Variants in RSPH4A observed in about 807,000 individuals in gnomAD.
RSPH4A encodes radial spoke head component 4A.
In RSPH4A, 47 loss-of-function variants were observed where a neutral mutation model predicts 71.0. The ratio of observed to expected loss-of-function variants is 0.66; its 90% CI spans 0.52 to 0.84. The LOEUF (loss-of-function observed/expected upper bound fraction) is 0.84. Among genes scored for constraint, RSPH4A ranks in the 40% least tolerant of loss-of-function variants. The pLI is 0.00. For missense variants in RSPH4A, 793 were observed against 855.2 expected, an observed-to-expected ratio of 0.93 and a Z score of 0.91; for synonymous variants, 282 against 302.3, an observed-to-expected ratio of 0.93 and a Z score of 0.70.
At chr6:116,632,133 A>G in intron 5 of RSPH4A, 74 bp from the exon 6 acceptor site, 2 of 1,082,862 alleles carry the variant, frequency 1.8e-6, no homozygotes, top group Non-Finnish European at 2.7e-6. Context: ...AAGCACTTTA[A>G]TATTACAGAA....
intron 3 of RSPH4A, among the ~76,000 whole-genome samples, chr6:116,628,642 A>T (rs928090794): frequency 2.0e-5 from 3 of 152,216 alleles, no homozygotes; most frequent in African/African-American, 7.2e-5. Context: ...AGCGTTTGAC[A>T]GATGATGTAC....
intron 5 of RSPH4A, among the ~76,000 whole-genome samples, chr6:116,631,508 TA>T (rs994595365): frequency 1.3e-5 from 2 of 152,096 alleles, no homozygotes; most frequent in African/African-American, 4.8e-5. Context: ...CCTGCAGTTT[TA>T]CAGACCTGGA....
chr6:116,625,605 A>G (rs1775681329), intron 2 of RSPH4A, among the ~76,000 whole-genome samples: 1 of 152,236 alleles, frequency 6.6e-6, no homozygotes, highest in African/African-American at 2.4e-5. Context: ...GCCTTCTGCT[A>G]TAGCACAAGT....
Position 116,628,031 on chromosome 6 carries a change from G to C in RSPH4A, c.1324G>C (p.Val442Leu). ...FVCNEPGRPW[V>L]KLPPVIPAQI... ...TTGCAATGAACCAGGAAGACCATGG[G>C]TGAAGTTACCACCAGTTATACCTGC... is the stretch of plus-strand genomic sequence containing the variant. Residue 442 changes from valine (V) to leucine (L), a missense_variant, in exon 3 of 6, where the codon GTG becomes CTG. By Grantham distance (32) the Val-to-Leu change is conservative. Coordinates refer to ENST00000229554, the MANE Select transcript of RSPH4A (RefSeq NM_001010892.3). The C allele has an allele frequency of 6.2e-7, 1 of 1,614,184 alleles. No homozygotes were observed. The highest frequency in any genetic ancestry group is 1.1e-5 in the South Asian group (1 of 91,086).
chr6:116,632,286 T>G lies in RSPH4A; in HGVS notation c.1996T>G (p.Tyr666Asp). The G allele has an allele frequency of 6.2e-7, 1 of 1,613,330 alleles. No individual in the cohort carries two copies. Among genetic ancestry groups the G allele is most frequent in the Non-Finnish European group, 8.5e-7 (1 of 1,179,964 alleles). ...TACACCCCCAGTTCCACCACCAGTT[T>G]ATCAAGAATACCCCAGTGGACCAGA... Reference protein sequence around the residue: ...NYTPPVPPPVYQEYPSGPEIT... With the variant: ...NYTPPVPPPVDQEYPSGPEIT... The change falls in exon 6 of 6, where the codon TAT (tyrosine) becomes GAT (aspartate). Residue 666 changes from tyrosine (Y) to aspartate (D), a missense_variant. Physicochemically the swap from Tyr to Asp is radical, Grantham distance 160. Coordinates refer to ENST00000229554, the MANE Select transcript of RSPH4A (RefSeq NM_001010892.3).
At chr6:116,620,404 T>A (rs1048140389) in intron 1 of RSPH4A, among the ~76,000 whole-genome samples, 1 of 152,192 alleles carries the variant, frequency 6.6e-6, no homozygotes, top group African/African-American at 2.4e-5. Context: ...AAAGATTACT[T>A]TAACTCCATC....
Position 116,630,565 on chromosome 6 carries a change from C to T in RSPH4A, c.1916+13C>T, listed in dbSNP as rs1370698700. The stretch of plus-strand genomic sequence containing the variant: ...TCTCCAATGGCAAGTAAGTATCTGA[C>T]CACTTACAAAGCCATTTCTGTGATT... On this transcript the variant is annotated intron_variant, in intron 5 of 5. Coordinates refer to ENST00000229554, the MANE Select transcript of RSPH4A (RefSeq NM_001010892.3). The T allele has an allele frequency of 1.6e-6, 2 of 1,242,700 alleles. No homozygotes were observed. The highest frequency in any genetic ancestry group is 3.4e-5 in the Admixed American group (2 of 59,452). 77.0% of individuals were successfully genotyped at this position (1,242,700 alleles called of 1,614,324 possible).
Position 116,627,743 on chromosome 6 carries a change from G to C in RSPH4A, c.1036G>C (p.Asp346His), listed in dbSNP as rs1187504959. ...RIFLALKQLT[D>H]THPIQRCRFW... ...ATTTCTTGCCCTCAAGCAGCTTACTGATACCCACCCAATCCAAAGATGCCG... is the reference window on the plus strand; with the variant it reads ...ATTTCTTGCCCTCAAGCAGCTTACTCATACCCACCCAATCCAAAGATGCCG... Residue 346 changes from aspartate to histidine, a missense_variant, in exon 3 of 6, where the codon GAT becomes CAT. Coordinates refer to ENST00000229554, the MANE Select transcript of RSPH4A (RefSeq NM_001010892.3). 6.2e-7 allele frequency: 1 copy of C among 1,614,148 alleles called. No individual in the cohort carries two copies. Among genetic ancestry groups the C allele is most frequent in the East Asian group, 2.2e-5 (1 of 44,878 alleles).
chr6:116,632,711 T>A lies in RSPH4A; in HGVS notation c.*270T>A. Reference sequence around the variant, plus strand: ...TGAGGGTTATGGATAATGGAATATGTGTTTGTACATTCCTGTTTTTAAAAG... The same window carrying A: ...TGAGGGTTATGGATAATGGAATATGAGTTTGTACATTCCTGTTTTTAAAAG... On this transcript the variant is annotated 3_prime_UTR_variant, in exon 6 of 6. Transcript: ENST00000229554. 2.6e-6 allele frequency: 1 copy of A among 391,126 alleles called. No individual in the cohort carries two copies. Among genetic ancestry groups the A allele is most frequent in the South Asian group, 2.5e-5 (1 of 40,672 alleles). The allele number at this position is 391,126 out of a possible 1,614,324, so 24.2% of individuals were successfully genotyped here.
At position 116,616,912 on chromosome 6, in the gene RSPH4A, CT is replaced by C; in HGVS notation, c.290del (p.Leu97ArgfsTer20). The C allele has an allele frequency of 6.2e-7, 1 of 1,614,238 alleles. No homozygotes were observed. Among genetic ancestry groups the C allele is most frequent in the Non-Finnish European group, 8.5e-7 (1 of 1,180,042 alleles). On this transcript the variant is annotated frameshift_variant, in exon 1 of 6. Coordinates refer to ENST00000229554, the MANE Select transcript of RSPH4A (RefSeq NM_001010892.3). LOFTEE classifies it high-confidence loss of function. ...GGAGCCCTCTTCCTCTCCTTCTCCC[CT>C]GGCTCCGGCCAGACAAGACCTCGCG... is the stretch of plus-strand genomic sequence containing the variant. ...PREPSSSPSP[L>X]APARQDLAAP...
rs1775830056 is a variant in RSPH4A at position 116,632,874 on chromosome 6, AAG to A, written c.*436_*437del. The A allele has an allele frequency of 9.7e-6, 2 of 205,568 alleles. No homozygotes were observed. Among genetic ancestry groups the A allele is most frequent in the African/African-American group, 4.7e-5 (2 of 42,420 alleles). 12.7% of individuals were successfully genotyped at this position (205,568 alleles called of 1,614,324 possible). A position where few individuals can be genotyped will look rare whatever the true frequency, so the allele number is the denominator to read the frequency against. On this transcript the variant is annotated 3_prime_UTR_variant, in exon 6 of 6. Coordinates refer to ENST00000229554, the MANE Select transcript of RSPH4A (RefSeq NM_001010892.3). ...TTCTTGGAAACATCAATACTTTTTA[AAG>A]AGTGTCAAGGGGTATGAAGACAAAA...
rs1039701362 is a variant in RSPH4A, at chr6:116,622,910, T to C, written c.829T>C (p.Leu277=). 5 of 1,613,658 alleles carry C rather than the reference T, an allele frequency of 3.1e-6. No individual in the cohort carries two copies. The highest frequency in any genetic ancestry group is 1.7e-5 in the Admixed American group (1 of 59,992). ...TGATGCACTACAAAATGAGAATGAG[T>C]TGCTTCCAACATATGAAATAGCAGA... ...KFDALQNENE[L]LPTYEIAEKQ... The change falls in exon 2 of 6, where the codon TTG becomes CTG. Residue 277 remains leucine, a synonymous_variant. Transcript: ENST00000229554.
chr6:116,617,696 C>A (rs1775535872), intron 1 of RSPH4A, among the ~76,000 whole-genome samples: 1 of 152,144 alleles, frequency 6.6e-6, no homozygotes. Flanking sequence ...CGTCTCTCAT[C>A]TGTAGATGCT....
chr6:116,620,954 G>A (rs958987155), intron 1 of RSPH4A, among the ~76,000 whole-genome samples: 3 of 152,126 alleles, frequency 2.0e-5, no homozygotes, highest in African/African-American at 7.2e-5. Context: ...CACCTCCTGG[G>A]TTCAAGTGAT....
At chr6:116,630,859 T>TTTG (rs1380655325) in intron 5 of RSPH4A, among the ~76,000 whole-genome samples, 1 of 140,810 alleles carries the variant, frequency 7.1e-6, no homozygotes, top group African/African-American at 2.6e-5. Flanking sequence ...TTTTTTTTTT[T>TTTG]TTTTTTTTTT....
chr6:116,624,218 C>T (rs186745314), intron 2 of RSPH4A, among the ~76,000 whole-genome samples: 25 of 152,314 alleles, frequency 1.6e-4, no homozygotes, highest in Non-Finnish European at 3.1e-4. Flanking sequence ...ACCTGTAGTA[C>T]TCATACAGAA....
chr6:116,626,990 C>T (rs1775705778), intron 2 of RSPH4A, among the ~76,000 whole-genome samples: 1 of 152,028 alleles, frequency 6.6e-6, no homozygotes, highest in Non-Finnish European at 1.5e-5. Flanking sequence ...TCTACATCTT[C>T]TTTTAGGATA....
Position 116,617,280 on chromosome 6 carries a change from GA to G in RSPH4A, c.659del (p.Lys220ArgfsTer18). The part of the protein sequence containing the change: ...TIQNAKAYLL[K>X]TSSNSGFNLY... ...TTCAGAATGCTAAGGCTTACCTGCT[GA>G]AGACTAGCAGCAATTCGGGCTTTAA... On this transcript the variant is annotated frameshift_variant, in exon 1 of 6. Coordinates refer to ENST00000229554, the MANE Select transcript of RSPH4A (RefSeq NM_001010892.3). LOFTEE classifies it high-confidence loss of function. 5 of 1,612,674 alleles carry G rather than the reference GA, an allele frequency of 3.1e-6. No homozygotes were observed. Among genetic ancestry groups the G allele is most frequent in the Non-Finnish European group, 4.2e-6 (5 of 1,179,454 alleles).
chr6:116,628,528 A>G (rs1775739802), intron 3 of RSPH4A, among the ~76,000 whole-genome samples, 159 bp downstream of exon 3: 1 of 152,248 alleles, frequency 6.6e-6, no homozygotes, highest in African/African-American at 2.4e-5. Flanking sequence ...GCAGAGTAAT[A>G]TACAATTGCC....
Sources: gnomAD v4.1 joint callset for allele counts (sites outside exome capture counted in the v4.1 genomes callset) on GRCh38, gnomAD v4.1.1 for gene constraint, MANE v1.5 for transcripts, NCBI Gene and HGNC (gene_info 2026-07-23, HGNC 2026-07-21) for gene names.